Variants in TNC observed in about 807,000 individuals in gnomAD.
TNC encodes the protein tenascin.
TNC carries 109 observed loss-of-function variants against 202.4 expected under a neutral mutation model. The ratio of observed to expected loss-of-function variants is 0.54; its 90% confidence interval spans 0.46 to 0.63. TNC has a LOEUF of 0.63. Ranked by LOEUF, TNC falls within the 30% of genes least tolerant of loss-of-function variation. The pLI is 0.00. For missense variants in TNC, 2,756 were observed against 2,833.3 expected (o/e 0.97, Z 0.62); for synonymous variants, 1,007 against 1,089.7 (o/e 0.92, Z 1.50).
intron 1 of TNC, among the ~76,000 whole-genome samples, chr9:115,106,445 T>C (rs1206657962): frequency 1.3e-5 from 2 of 152,226 alleles, no homozygotes; most frequent in Admixed American, 6.5e-5. Context: ...ATATCATTAA[T>C]ATGAATAGAG....
At chr9:115,066,110 C>T (rs545744016) in intron 10 of TNC, among the ~76,000 whole-genome samples, 2 of 152,030 alleles carry the variant, frequency 1.3e-5, no homozygotes, top group South Asian at 4.2e-4. Flanking sequence ...AAAAACTGTT[C>T]CTTAATAGAA....
At position 115,040,952 on chromosome 9, in the gene TNC, G is replaced by T; in HGVS notation, c.5381C>A (p.Ser1794Ter). ...GFEESEPVSG[S>*]FTTALDGPSG... Reference sequence around the variant, plus strand: ...CCCCACCAACTCACCTGTGGTGAATGACCCTGAGACAGGTTCACTTTCCTC... The same window carrying T: ...CCCCACCAACTCACCTGTGGTGAATTACCCTGAGACAGGTTCACTTTCCTC... Residue 1794 changes from serine (S) to a stop codon, truncating the protein, a stop_gained, in exon 19 of 28, where the codon TCA (serine) becomes TAA (stop). Transcript: ENST00000350763. LOFTEE classifies it high-confidence loss of function. The T allele has an allele frequency of 6.2e-7, 1 of 1,613,044 alleles. No homozygotes were observed. The highest frequency in any genetic ancestry group is 1.1e-5 in the South Asian group (1 of 90,906).
In TNC at chr9:115,030,299, C is replaced by T. The variant is rs138942007; in HGVS notation, c.6027G>A (p.Ala2009=). Residue 2009 remains alanine (A), a synonymous_variant, in exon 24 of 28, where the codon GCG becomes GCA. Transcript: ENST00000350763. ...AGGTCATGTCACAGAAGACTTCCAG[C>T]GCCTCAGCCTTATCACCATTCAGAT... The part of the protein sequence containing the change: ...TIYLNGDKAE[A]LEVFCDMTSD... 66 of 1,613,370 alleles carry T rather than the reference C, an allele frequency of 4.1e-5. No individual in the cohort carries two copies. Among genetic ancestry groups the T allele is most frequent in the Middle Eastern group, 1.6e-4 (1 of 6,074 alleles).
chr9:115,064,625 T>C (rs1242940635), intron 11 of TNC, 22 bp downstream of exon 11: 5 of 1,579,234 alleles, frequency 3.2e-6, no homozygotes, highest in African/African-American at 2.7e-5. Context: ...ACAGAAGCTA[T>C]AAATAGAAAG....
At chr9:115,078,680 C>A (rs1834069552) in intron 6 of TNC, among the ~76,000 whole-genome samples, 1 of 152,042 alleles carries the variant, frequency 6.6e-6, no homozygotes, top group African/African-American at 2.4e-5. Context: ...AAAAGTGAGG[C>A]AATAGACTGT....
chr9:115,067,243 A>C (rs1250000484), intron 10 of TNC, among the ~76,000 whole-genome samples: 1 of 152,238 alleles, frequency 6.6e-6, no homozygotes, highest in Admixed American at 6.5e-5. Context: ...CAAATATTTC[A>C]GCAGTCCTGA....
chr9:115,086,096 C>T lies in TNC; in HGVS notation c.1635G>A (p.Gly545=). 1 of 1,613,374 alleles carries T rather than the reference C, an allele frequency of 6.2e-7. No individual in the cohort carries two copies. The highest frequency in any genetic ancestry group is 8.5e-7 in the Non-Finnish European group (1 of 1,179,442). Reference sequence around the variant, plus strand: ...TAAATCCTTCATGGCACACGCACTGCCCATTCACACAGCGACCCTGGCCAT... The same window carrying T: ...TAAATCCTTCATGGCACACGCACTGTCCATTCACACAGCGACCCTGGCCAT... ...DCHGQGRCVN[G]QCVCHEGFMG... is the part of the protein sequence containing the mutation. The change falls in exon 3 of 28, where the codon GGG becomes GGA. Residue 545 remains glycine, a synonymous_variant. Coordinates refer to ENST00000350763, the MANE Select transcript of TNC (RefSeq NM_002160.4).
intron 10 of TNC, among the ~76,000 whole-genome samples, chr9:115,071,855 T>G (rs1293610964): frequency 6.6e-6 from 1 of 152,226 alleles, no homozygotes; most frequent in Non-Finnish European, 1.5e-5. Flanking sequence ...AAGCTGAAAT[T>G]TAAATCTCTA....
At chr9:115,058,612 G>A (rs1478719426) in intron 14 of TNC, among the ~76,000 whole-genome samples, 1 of 152,168 alleles carries the variant, frequency 6.6e-6, no homozygotes, top group Middle Eastern at 3.2e-3. Context: ...GGTTGCCTGT[G>A]CTTTATGTTT....
chr9:115,040,941 C>T lies in TNC; in HGVS notation c.5392G>A (p.Ala1798Thr). Reference sequence around the variant, plus strand: ...CACACACACAACCCCACCAACTCACCTGTGGTGAATGACCCTGAGACAGGT... The same window carrying T: ...CACACACACAACCCCACCAACTCACTTGTGGTGAATGACCCTGAGACAGGT... ...SEPVSGSFTT[A>T]LDGPSGLVTA... Residue 1798 changes from alanine (A) to threonine (T), a missense_variant and splice_region_variant, in exon 19 of 28, where the codon GCT (alanine) becomes ACT (threonine). By Grantham distance (58) the Ala-to-Thr change is moderately conservative. This residue lies in a region of TNC where 2,559 missense variants were observed against 2,546.0 expected (regional missense o/e 1.01). Coordinates refer to ENST00000350763, the MANE Select transcript of TNC (RefSeq NM_002160.4). 6.2e-7 allele frequency: 1 copy of T among 1,611,940 alleles called. No individual in the cohort carries two copies. Among genetic ancestry groups the T allele is most frequent in the Non-Finnish European group, 8.5e-7 (1 of 1,178,948 alleles).
intron 10 of TNC, among the ~76,000 whole-genome samples, chr9:115,072,651 C>T (rs74651928): frequency 0.016 from 2,491 of 152,224 alleles, 72 homozygotes; most frequent in African/African-American, 0.057. Context: ...TCTAGTCTTC[C>T]GCAAGCACTA....
At chr9:115,082,385 G>A (rs1199523304) in intron 5 of TNC, among the ~76,000 whole-genome samples, 1 of 152,120 alleles carries the variant, frequency 6.6e-6, no homozygotes, top group Non-Finnish European at 1.5e-5. Flanking sequence ...TTATTTTGAG[G>A]GAGAGACTGT....
chr9:115,066,768 T>C (rs1832988323), intron 10 of TNC, among the ~76,000 whole-genome samples: 1 of 152,250 alleles, frequency 6.6e-6, no homozygotes, highest in Admixed American at 6.5e-5. Context: ...GCAAGTCATA[T>C]AAAATTCCAA....
At chr9:115,095,558 ATATATATG>A (rs1219780400) in intron 1 of TNC, among the ~76,000 whole-genome samples, 70 of 1,980 alleles carry the variant, frequency 0.035, 10 homozygotes, top group African/African-American at 0.084. Flanking sequence ...ATATATATGT[ATATATATG>A]TATATATATG....
At chr9:115,074,892 T>C (rs1305970729) in intron 9 of TNC, among the ~76,000 whole-genome samples, 1 of 152,212 alleles carries the variant, frequency 6.6e-6, no homozygotes, top group Non-Finnish European at 1.5e-5. Flanking sequence ...GTTGTTATAT[T>C]AGTCTACATT....
At position 115,087,527 on chromosome 9, in the gene TNC, G is replaced by GGTGTGTGT. The variant is rs57327715; in HGVS notation, c.458-262_458-255dup. ...AAAACAGTGTGTGATTATGCATAGG[G>GGTGTGTGT]GTGTGTGTGTGTGTGTGTGTGTGTG... On this transcript the variant is annotated intron_variant, in intron 2 of 27. Transcript: ENST00000350763. 0.02 allele frequency among the ~76,000 whole-genome samples: 2,930 copies of GGTGTGTGT among 148,772 alleles called. 279 individuals are homozygous for GGTGTGTGT. The East Asian group carries it at 0.32, about 16-fold the overall frequency.
intron 6 of TNC, among the ~76,000 whole-genome samples, chr9:115,079,986 C>T (rs533385371): frequency 8.3e-4 from 127 of 152,248 alleles, no homozygotes; most frequent in Non-Finnish European, 1.3e-3. Flanking sequence ...TGTGGCCGGC[C>T]GTGGCGGCTC....
chr9:115,090,646 T>G lies in TNC; in HGVS notation c.373A>C (p.Arg125=). The change falls in exon 2 of 28, where the codon AGA becomes CGA. Residue 125 remains arginine (R), a synonymous_variant. Coordinates refer to ENST00000350763, the MANE Select transcript of TNC (RefSeq NM_002160.4). ...AAPDVKELLS[R]LEELENLVSS... is the part of the protein sequence containing the mutation. ...ACCAGGTTCTCCAGCTCCTCCAGTC[T>G]GCTCAGCAGCTCCTTAACATCAGGG... The G allele has an allele frequency of 6.2e-7, 1 of 1,613,494 alleles. No individual in the cohort carries two copies.
At position 115,026,609 on chromosome 9, in the gene TNC, C is replaced by T. The variant is rs2131555204; in HGVS notation, c.6256G>A (p.Val2086Ile). The change falls in exon 26 of 28, where the codon GTC (valine) becomes ATC (isoleucine). Residue 2086 changes from valine (V) to isoleucine (I), a missense_variant. Val to Ile is a conservative substitution (Grantham distance 29). This residue lies in a region of TNC where 197 missense variants were observed against 287.3 expected (regional missense o/e 0.69). Transcript: ENST00000350763. ...TCTCCCACGCTGAACTTGTCATAGA[C>T]AGCAAAGGCTGTCTCCCCATGGTCC... ...LRDHGETAFAVYDKFSVGDAK... is the reference protein window; with the variant it reads ...LRDHGETAFAIYDKFSVGDAK... 6.2e-7 allele frequency: 1 copy of T among 1,614,028 alleles called. No individual in the cohort carries two copies. Among genetic ancestry groups the T allele is most frequent in the Non-Finnish European group, 8.5e-7 (1 of 1,179,990 alleles).
Sources: allele counts gnomAD v4.1 joint callset (sites outside exome capture counted in the v4.1 genomes callset), GRCh38; gene constraint gnomAD v4.1.1; regional missense constraint gnomAD v4.1.1; transcripts MANE v1.5; gene names NCBI Gene and HGNC (gene_info 2026-07-23, HGNC 2026-07-21).